Variants in TRPC4AP observed in about 807,000 individuals in gnomAD.
TRPC4AP encodes the protein transient receptor potential cation channel subfamily C member 4 associated protein.
TRPC4AP carries 45 observed loss-of-function variants against 99.0 expected under a neutral mutation model. The ratio of observed to expected loss-of-function variants is 0.45; its 90% CI spans 0.36 to 0.58. The LOEUF is 0.58. Ranked by LOEUF, TRPC4AP falls within the 20% of genes least tolerant of loss-of-function variation. The pLI, the probability that TRPC4AP is intolerant of heterozygous loss-of-function variation, is 0.00. For synonymous variants in TRPC4AP, 408 were observed against 385.8 expected (o/e 1.06, Z -0.67); for missense variants, 879 against 985.3 (o/e 0.89, Z 1.44).
In TRPC4AP at chr20:35,057,577, A is replaced by C. The variant is rs1468602144; in HGVS notation, c.415-6T>G. The C allele has an allele frequency of 1.2e-6, 2 of 1,605,314 alleles. No homozygotes were observed. Among genetic ancestry groups the C allele is most frequent in the Admixed American group, 3.4e-5 (2 of 58,894 alleles). On this transcript the variant is annotated splice_region_variant and splice_polypyrimidine_tract_variant and intron_variant, in intron 3 of 18. Coordinates refer to ENST00000252015, the MANE Select transcript of TRPC4AP (RefSeq NM_015638.3). ...ATAAGAATTTCTACAAGAAGCTATA[A>C]AAAAAATTAGATAAAATCTTCAAAA...
chr20:35,043,091 C>T (rs2083476508), intron 7 of TRPC4AP, among the ~76,000 whole-genome samples: 1 of 151,958 alleles, frequency 6.6e-6, no homozygotes, highest in Non-Finnish European at 1.5e-5. Flanking sequence ...ATTAATATAT[C>T]TTGGAGATTT....
At position 35,003,625 on chromosome 20, in the gene TRPC4AP, C is replaced by A; in HGVS notation, c.2050-9G>T. 3 of 1,610,758 alleles carry A rather than the reference C, an allele frequency of 1.9e-6. No homozygotes were observed. The highest frequency in any genetic ancestry group is 2.5e-6 in the Non-Finnish European group (3 of 1,178,916). On this transcript the variant is annotated splice_polypyrimidine_tract_variant and intron_variant, in intron 17 of 18. Transcript: ENST00000252015. ...AGGCAGCTGACGTTCTCCTGCAAGGCCACAGGCCCACAGGGTCAGGGGCTG... is the reference window on the plus strand; with the variant it reads ...AGGCAGCTGACGTTCTCCTGCAAGGACACAGGCCCACAGGGTCAGGGGCTG...
intron 3 of TRPC4AP, among the ~76,000 whole-genome samples, chr20:35,063,632 G>T (rs1413509544): frequency 1.4e-5 from 2 of 139,686 alleles, no homozygotes; most frequent in African/African-American, 3.4e-5. Context: ...GGTGAGGCAG[G>T]AAGATCATTT....
At chr20:35,008,607 A>G (rs1325533717) in intron 13 of TRPC4AP, 57 bp downstream of exon 13, 2 of 1,515,986 alleles carry the variant, frequency 1.3e-6, no homozygotes, top group African/African-American at 1.4e-5. Flanking sequence ...TAACCTCCTG[A>G]GAAACACCTG....
intron 8 of TRPC4AP, among the ~76,000 whole-genome samples, chr20:35,028,556 T>C (rs1254447952): frequency 6.6e-6 from 1 of 152,204 alleles, no homozygotes; most frequent in Non-Finnish European, 1.5e-5. Context: ...TTTTAATCCT[T>C]TTAAATTTGC....
chr20:35,015,560 T>C (rs1042268479), intron 10 of TRPC4AP, among the ~76,000 whole-genome samples: 4 of 150,296 alleles, frequency 2.7e-5, no homozygotes, highest in African/African-American at 9.8e-5. Context: ...CCTCCTGGGT[T>C]CAAGCAATTC....
At chr20:35,026,833 T>C (rs2147312173) in intron 8 of TRPC4AP, among the ~76,000 whole-genome samples, 1 of 152,306 alleles carries the variant, frequency 6.6e-6, no homozygotes, top group Admixed American at 6.5e-5. Context: ...AATAAAATTG[T>C]TTTCTTAATT....
In TRPC4AP at chr20:35,057,432, G is replaced by A. The variant is rs914493084; in HGVS notation, c.472+82C>T. On this transcript the variant is annotated intron_variant, in intron 4 of 18. Transcript: ENST00000252015. ...TCCTTACTATTAAGAGTTAGGAAGG[G>A]AAGGAAGAAGGCAGCTGCTGGGAAC... 12 of 1,135,336 alleles carry A rather than the reference G, an allele frequency of 1.1e-5. No individual in the cohort carries two copies. In the South Asian group the frequency reaches 1.2e-4, roughly 11 times the overall value. The allele number at this position is 1,135,336 out of a possible 1,614,324, so 70.3% of individuals were successfully genotyped here. A position where few individuals can be genotyped will look rare whatever the true frequency, so the allele number is the denominator to read the frequency against.
Position 35,086,525 on chromosome 20 carries a change from A to ATATGTG in TRPC4AP, c.168+6088_168+6089insCACATA, listed in dbSNP as rs1447423250. ...TATATATATGTGTGTGTGTGTATAT[A>ATATGTG]TGTGTGTGTGTGTGTGTGTGTGTGT... On this transcript the variant is annotated intron_variant, in intron 1 of 18. Coordinates refer to ENST00000252015, the MANE Select transcript of TRPC4AP (RefSeq NM_015638.3). Among the ~76,000 whole-genome samples the ATATGTG allele has an allele frequency of 3.5e-4, 24 of 69,238 alleles. 2 individuals carry two copies. The highest frequency in any genetic ancestry group is 1.3e-3 in the African/African-American group (23 of 17,530). The allele number at this position is 69,238 out of a possible 152,430, so 45.4% of individuals were successfully genotyped here. A position where few individuals can be genotyped will look rare whatever the true frequency, so the allele number is the denominator to read the frequency against.
intron 17 of TRPC4AP, among the ~76,000 whole-genome samples, chr20:35,003,943 A>G (rs2082456020): frequency 6.6e-6 from 1 of 152,136 alleles, no homozygotes; most frequent in African/African-American, 2.4e-5. Flanking sequence ...TGGGGCGGTT[A>G]TCCCGCTTCA....
chr20:35,050,692 AAC>A (rs2083674534), intron 5 of TRPC4AP, among the ~76,000 whole-genome samples: 1 of 149,832 alleles, frequency 6.7e-6, no homozygotes, highest in Admixed American at 6.8e-5. Flanking sequence ...TAGCCTTGGC[AAC>A]AGAGGGAGAC....
chr20:35,057,011 A>G (rs1301664744), intron 4 of TRPC4AP, among the ~76,000 whole-genome samples: 2 of 128,330 alleles, frequency 1.6e-5, no homozygotes, highest in Non-Finnish European at 3.3e-5. Flanking sequence ...GAATACCTAA[A>G]AAGAATTATT....
intron 8 of TRPC4AP, among the ~76,000 whole-genome samples, chr20:35,025,337 T>A (rs1194880921): frequency 6.6e-6 from 1 of 152,120 alleles, no homozygotes; most frequent in African/African-American, 2.4e-5. Context: ...CGTGCCACCA[T>A]GCCTGGCTAA....
chr20:35,057,466 T>A (rs2083864537), intron 4 of TRPC4AP, 48 bp downstream of exon 4: 2 of 1,496,012 alleles, frequency 1.3e-6, no homozygotes, highest in Admixed American at 3.5e-5. Flanking sequence ...ACTGCCACCG[T>A]ATCGGCAGGT....
intron 2 of TRPC4AP, among the ~76,000 whole-genome samples, chr20:35,074,946 T>C (rs2084431596): frequency 1.3e-5 from 2 of 152,246 alleles, no homozygotes. Context: ...TGGGTGCTCC[T>C]GTATTGGGTA....
chr20:35,056,029 A>C (rs1294972636), intron 4 of TRPC4AP, among the ~76,000 whole-genome samples: 1 of 152,168 alleles, frequency 6.6e-6, no homozygotes, highest in African/African-American at 2.4e-5. Flanking sequence ...AGCTGCTAGG[A>C]ATGCTAAAAT....
intron 6 of TRPC4AP, among the ~76,000 whole-genome samples, chr20:35,049,250 A>G (rs1600591094): frequency 6.7e-6 from 1 of 150,088 alleles, no homozygotes; most frequent in Non-Finnish European, 1.5e-5. Flanking sequence ...CATTTCGATC[A>G]TAGCTGTTTT....
chr20:35,055,515 T>A (rs2083805660), intron 4 of TRPC4AP, among the ~76,000 whole-genome samples: 1 of 152,218 alleles, frequency 6.6e-6, no homozygotes, highest in Non-Finnish European at 1.5e-5. Flanking sequence ...GCATCTTTTT[T>A]TTGTTCATTT....
chr20:35,073,578 T>TAAA (rs2084385353), intron 2 of TRPC4AP, among the ~76,000 whole-genome samples: 5 of 152,350 alleles, frequency 3.3e-5, no homozygotes, highest in Admixed American at 6.5e-5. Flanking sequence ...TTACGTTTAT[T>TAAA]GATTTGCATA....
Sources: allele counts gnomAD v4.1 joint callset (sites outside exome capture counted in the v4.1 genomes callset), GRCh38; gene constraint gnomAD v4.1.1; transcripts MANE v1.5; gene names NCBI Gene and HGNC (gene_info 2026-07-23, HGNC 2026-07-21).